The following ABHD3 variants were observed in gnomAD, a reference collection of about 807,000 sequenced individuals.
The protein encoded by ABHD3 is abhydrolase domain containing 3, phospholipase, also known as phospholipase ABHD3.
In ABHD3, 46 loss-of-function variants were observed where a neutral mutation model predicts 48.8. The ratio of observed to expected loss-of-function variants is 0.94; its 90% CI spans 0.74 to 1.20. The LOEUF is 1.20. Among genes scored for constraint, ABHD3 ranks in the 50% most tolerant of loss-of-function variants. The pLI, the probability that ABHD3 is intolerant of heterozygous loss-of-function variation, is 0.00. For synonymous variants in ABHD3, 192 were observed against 183.7 expected (o/e 1.04, Z -0.36); for missense variants, 490 against 497.8 (o/e 0.98, Z 0.15).
intron 3 of ABHD3, among the ~76,000 whole-genome samples, chr18:21,684,929 A>C (rs919545750): frequency 2.9e-4 from 44 of 152,200 alleles, no homozygotes; most frequent in African/African-American, 8.7e-4. Flanking sequence ...AGATCAATGT[A>C]AAGGGTTTAG....
chr18:21,697,029 A>G (rs999071978), intron 3 of ABHD3, among the ~76,000 whole-genome samples: 5 of 151,464 alleles, frequency 3.3e-5, no homozygotes, highest in African/African-American at 1.2e-4. Context: ...TGGACAGGTT[A>G]TCTTCATGTA....
chr18:21,665,625 A>C (rs1044069866), intron 4 of ABHD3, among the ~76,000 whole-genome samples: 1 of 152,086 alleles, frequency 6.6e-6, no homozygotes, highest in African/African-American at 2.4e-5. Flanking sequence ...GATCCTGGCT[A>C]AAACAGCGAA....
intron 4 of ABHD3, among the ~76,000 whole-genome samples, chr18:21,680,976 C>T (rs1344275547): frequency 2.0e-5 from 3 of 151,904 alleles, no homozygotes; most frequent in African/African-American, 4.8e-5. Flanking sequence ...GATCCTCCCA[C>T]CTGGGCCTCC....
chr18:21,663,470 A>T (rs2039548395), intron 5 of ABHD3, among the ~76,000 whole-genome samples: 2 of 151,998 alleles, frequency 1.3e-5, no homozygotes, highest in African/African-American at 4.8e-5. Flanking sequence ...AACCAAAAAA[A>T]AAAACCCCAA....
intron 8 of ABHD3, among the ~76,000 whole-genome samples, chr18:21,652,578 C>A (rs2039249484): frequency 6.6e-6 from 1 of 151,914 alleles, no homozygotes; most frequent in Admixed American, 6.6e-5. Flanking sequence ...AGATCGAGAC[C>A]ATCCTGGCCA....
At chr18:21,655,803 C>G (rs575769888) in intron 8 of ABHD3, among the ~76,000 whole-genome samples, 2 of 149,720 alleles carry the variant, frequency 1.3e-5, no homozygotes, top group African/African-American at 4.9e-5. Flanking sequence ...GCACTCCAGC[C>G]TGGGTGGCAG....
chr18:21,671,332 TGA>T (rs1309964846), intron 4 of ABHD3, among the ~76,000 whole-genome samples: 1 of 152,076 alleles, frequency 6.6e-6, no homozygotes, highest in African/African-American at 2.4e-5. Flanking sequence ...TCACAGGAGC[TGA>T]AGTTAGAAAT....
intron 3 of ABHD3, among the ~76,000 whole-genome samples, chr18:21,684,365 TG>T (rs1393132901): frequency 1.5e-5 from 2 of 136,126 alleles, no homozygotes; most frequent in Non-Finnish European, 3.1e-5. Context: ...TCACCCAGGC[TG>T]GAGTGCAATG....
chr18:21,681,536 T>C (rs1255378511), intron 4 of ABHD3, among the ~76,000 whole-genome samples: 2 of 152,158 alleles, frequency 1.3e-5, no homozygotes, highest in African/African-American at 2.4e-5. Flanking sequence ...TCCAGCCTCC[T>C]TCCCCTCCAT....
chr18:21,699,682 TTG>T (rs1169091659), intron 3 of ABHD3, among the ~76,000 whole-genome samples: 2 of 152,236 alleles, frequency 1.3e-5, no homozygotes, highest in Middle Eastern at 3.4e-3. Flanking sequence ...TTTTGTAATT[TTG>T]TGTGTGTGTC....
rs370669436 is a variant in ABHD3 at position 21,659,353 on chromosome 18, G to A, written c.669-10C>T. 6.3e-7 allele frequency: 1 copy of A among 1,599,054 alleles called. No homozygotes were observed. ...ATTTAGAAGCAGCATTCTAAAATGG[G>A]GAGAAACAGGAAACTCAGTGATTAA... On this transcript the variant is annotated splice_polypyrimidine_tract_variant and intron_variant, in intron 5 of 8. Transcript: ENST00000289119.
At chr18:21,686,840 A>G (rs2146322284) in intron 3 of ABHD3, among the ~76,000 whole-genome samples, 1 of 152,356 alleles carries the variant, frequency 6.6e-6, no homozygotes, top group South Asian at 2.1e-4. Context: ...CTACTCTGAC[A>G]GTCATCAGGG....
chr18:21,689,110 G>A (rs539175607), intron 3 of ABHD3, among the ~76,000 whole-genome samples: 1 of 152,136 alleles, frequency 6.6e-6, no homozygotes, highest in African/African-American at 2.4e-5. Context: ...ACAACAAAAA[G>A]CATGCAGAAA....
At chr18:21,679,105 C>T (rs1205993088) in intron 4 of ABHD3, among the ~76,000 whole-genome samples, 1 of 152,208 alleles carries the variant, frequency 6.6e-6, no homozygotes, top group East Asian at 1.9e-4. Flanking sequence ...TTGATCTCTG[C>T]TGATTCATCT....
intron 8 of ABHD3, among the ~76,000 whole-genome samples, chr18:21,653,737 TAAA>T (rs11361855): frequency 8.3e-5 from 10 of 120,362 alleles, no homozygotes; most frequent in Non-Finnish European, 1.1e-4. Flanking sequence ...CAAAAAATGT[TAAA>T]AAAAAAAAAA....
At position 21,703,623 on chromosome 18, in the gene ABHD3, C is replaced by T. The variant is rs760830585; in HGVS notation, c.287G>A (p.Arg96Lys). The T allele has an allele frequency of 1.2e-6, 2 of 1,614,096 alleles. No homozygotes were observed. The highest frequency in any genetic ancestry group is 1.7e-6 in the Non-Finnish European group (2 of 1,179,988). Residue 96 changes from arginine (R) to lysine (K), a missense_variant, in exon 2 of 9, where the codon AGA (arginine) becomes AAA (lysine). Transcript: ENST00000289119. The stretch of plus-strand genomic sequence containing the variant: ...CGGGGGCTTCGAAGTGATGAAAGGT[C>T]TAAGCAGGGTCTGTCCTCGACCCTC... The part of the protein sequence containing the change: ...CWEGRGQTLL[R>K]PFITSKPPVQ...
At position 21,664,149 on chromosome 18, in the gene ABHD3, G is replaced by C. The variant is rs775456524; in HGVS notation, c.637C>G (p.Pro213Ala). The C allele has an allele frequency of 1.9e-6, 3 of 1,613,554 alleles. No homozygotes were observed. In the Admixed American group the frequency reaches 5.0e-5, roughly 27 times the overall value. Residue 213 changes from proline to alanine, a missense_variant, in exon 5 of 9, where the codon CCT becomes GCT. Coordinates refer to ENST00000289119, the MANE Select transcript of ABHD3 (RefSeq NM_138340.5). ...HHVHSLYPSA[P>A]FLAAGVSMGG... ...ATTGAAACCCCTGCTGCCAGGAAAG[G>C]AGCAGAAGGGTACAGGCTGTGTACA...
intron 3 of ABHD3, among the ~76,000 whole-genome samples, chr18:21,700,367 G>C (rs1568165901): frequency 2.0e-5 from 3 of 152,052 alleles, no homozygotes; most frequent in Admixed American, 2.0e-4. Context: ...TGGGATTACA[G>C]GCGTGAGCCA....
At chr18:21,680,859 T>TGTGC (rs2039990173) in intron 4 of ABHD3, among the ~76,000 whole-genome samples, 1 of 151,364 alleles carries the variant, frequency 6.6e-6, no homozygotes, top group African/African-American at 2.4e-5. Flanking sequence ...CAAATGTGTG[T>TGTGC]GTGTGTGTGT....
Sources: gnomAD v4.1 joint callset for allele counts (sites outside exome capture counted in the v4.1 genomes callset) on GRCh38, gnomAD v4.1.1 for gene constraint, MANE v1.5 for transcripts, NCBI Gene and HGNC (gene_info 2026-07-23, HGNC 2026-07-21) for gene names.